The following TNRC6B variants were observed in gnomAD, a reference collection of about 807,000 sequenced individuals.
The protein encoded by TNRC6B is trinucleotide repeat containing adaptor 6B, also known as trinucleotide repeat-containing gene 6B protein.
A neutral mutation model predicts 203.6 loss-of-function variants in TNRC6B; 52 were observed. The ratio of observed to expected loss-of-function variants is 0.26; its 90% CI spans 0.20 to 0.32. The LOEUF is 0.32. Among genes scored for constraint, TNRC6B ranks in the 10% least tolerant of loss-of-function variants. TNRC6B has a pLI of 1.00. For missense variants in TNRC6B, 1,923 were observed against 2,286.2 expected, an observed-to-expected ratio of 0.84 and a Z score of 3.24; for synonymous variants, 838 against 845.7, an observed-to-expected ratio of 0.99 and a Z score of 0.16.
intron 17 of TNRC6B, among the ~76,000 whole-genome samples, chr22:40,312,302 C>T (rs964148234): frequency 6.6e-6 from 1 of 152,182 alleles, no homozygotes; most frequent in African/African-American, 2.4e-5. Context: ...TTGACTGCCA[C>T]AGACAGTGTG....
chr22:40,199,470 A>G (rs576977369), intron 1 of TNRC6B, among the ~76,000 whole-genome samples: 6 of 152,274 alleles, frequency 3.9e-5, no homozygotes, highest in South Asian at 4.1e-4. Context: ...CATGACCTCA[A>G]TCTAATTATG....
chr22:40,150,625 G>A (rs1315355792), intron 3 of TNRC6B, among the ~76,000 whole-genome samples: 1 of 152,158 alleles, frequency 6.6e-6, no homozygotes, highest in African/African-American at 2.4e-5. Flanking sequence ...TGGAAAGGCT[G>A]AACCTCAGGA....
chr22:40,314,071 A>C (rs549737245), intron 19 of TNRC6B, among the ~76,000 whole-genome samples: 8 of 152,326 alleles, frequency 5.3e-5, no homozygotes, highest in African/African-American at 1.7e-4. Context: ...TTTTACACCT[A>C]TAAATGCCCA....
chr22:40,073,146 T>TG (rs2067968429), intron 1 of TNRC6B, among the ~76,000 whole-genome samples: 1 of 149,852 alleles, frequency 6.7e-6, no homozygotes, highest in African/African-American at 2.5e-5. Flanking sequence ...CCTTGGTTTT[T>TG]TTTTTTTTTT....
At chr22:40,224,586 C>T (rs866584319) in intron 1 of TNRC6B, among the ~76,000 whole-genome samples, 2 of 152,168 alleles carry the variant, frequency 1.3e-5, no homozygotes, top group South Asian at 2.1e-4. Context: ...TCAGATGTAG[C>T]TGTCATTTGT....
intron 1 of TNRC6B, among the ~76,000 whole-genome samples, chr22:40,187,742 C>T (rs895382135): frequency 3.9e-5 from 6 of 152,090 alleles, no homozygotes; most frequent in Admixed American, 3.9e-4. Flanking sequence ...CGTTTAGCCC[C>T]GTTTAGTCAT....
intron 1 of TNRC6B, among the ~76,000 whole-genome samples, chr22:40,199,286 T>C (rs2069379598): frequency 6.6e-6 from 1 of 152,124 alleles, no homozygotes; most frequent in Non-Finnish European, 1.5e-5. Flanking sequence ...TCAAAGTACT[T>C]CTTCAAAAAT....
intron 6 of TNRC6B, among the ~76,000 whole-genome samples, chr22:40,272,437 C>T (rs2070577221): frequency 6.6e-6 from 1 of 152,164 alleles, no homozygotes; most frequent in African/African-American, 2.4e-5. Flanking sequence ...CCTGGAAGAG[C>T]CAATTTTCTG....
chr22:40,207,987 G>A (rs1177740711), intron 1 of TNRC6B, among the ~76,000 whole-genome samples: 2 of 151,762 alleles, frequency 1.3e-5, no homozygotes, highest in African/African-American at 4.8e-5. Context: ...GGTGGCGGGC[G>A]CCTGTAGTCC....
chr22:40,301,585 TTG>T (rs369108652), intron 15 of TNRC6B: 629 of 488,740 alleles, frequency 1.3e-3, no homozygotes, highest in Middle Eastern at 3.2e-3. Flanking sequence ...TTCCTTTTTT[TTG>T]TGTGTGTGTG....
rs918921656 is a variant in TNRC6B, at chr22:40,328,808, T to G, written c.*5567T>G. On this transcript the variant is annotated 3_prime_UTR_variant, in exon 23 of 23. Coordinates refer to ENST00000454349, the MANE Select transcript of TNRC6B (RefSeq NM_001162501.2). ...TCTTTATGTAGAAAAGATCCATTTT[T>G]TCCCCATCCTCAGAGTTAAAATTCA... 5 of 152,266 alleles carry G rather than the reference T, an allele frequency of 3.3e-5. No individual in the cohort carries two copies. The highest frequency in any genetic ancestry group is 1.2e-4 in the African/African-American group (5 of 41,446). 9.4% of individuals were successfully genotyped at this position (152,266 alleles called of 1,614,324 possible). A position where few individuals can be genotyped will look rare whatever the true frequency, so the allele number is the denominator to read the frequency against.
intron 12 of TNRC6B, among the ~76,000 whole-genome samples, chr22:40,287,373 A>G (rs1196986948): frequency 1.3e-5 from 2 of 152,192 alleles, no homozygotes; most frequent in Non-Finnish European, 2.9e-5. Context: ...AAGATCAACT[A>G]TAGATTTCAA....
In TNRC6B at chr22:40,066,891, C is replaced by CT. The variant is rs199704338; in HGVS notation, c.-121+21907dup. Among the ~76,000 whole-genome samples, 821 of 138,294 alleles carry CT rather than the reference C, an allele frequency of 5.9e-3. 5 individuals are homozygous for CT. The highest frequency in any genetic ancestry group is 0.012 in the African/African-American group (443 of 37,830). 90.7% of individuals were successfully genotyped at this position (138,294 alleles called of 152,430 possible). ...ACTCTTAACTGTGGAAGCTTCTTTTCTTTTTTTTTTTTTTCTTTTTAAATT... is the reference window on the plus strand; with the variant it reads ...ACTCTTAACTGTGGAAGCTTCTTTTCTTTTTTTTTTTTTTTCTTTTTAAATT... On this transcript the variant is annotated intron_variant, in intron 1 of 23. Coordinates refer to the TNRC6B transcript ENST00000301923.
intron 15 of TNRC6B, among the ~76,000 whole-genome samples, chr22:40,301,880 C>T (rs2071028391): frequency 6.6e-6 from 1 of 152,186 alleles, no homozygotes; most frequent in Non-Finnish European, 1.5e-5. Context: ...GAATGGCAAA[C>T]TGCTCTCCTA....
chr22:40,047,825 T>G (rs1262390972), intron 1 of TNRC6B, among the ~76,000 whole-genome samples: 1 of 152,394 alleles, frequency 6.6e-6, no homozygotes, highest in Admixed American at 6.5e-5. Flanking sequence ...TTCCAGGGAC[T>G]GTTACTCATT....
At chr22:40,094,135 T>C (rs1342973823) in intron 1 of TNRC6B, among the ~76,000 whole-genome samples, 1 of 152,180 alleles carries the variant, frequency 6.6e-6, no homozygotes, top group East Asian at 1.9e-4. Context: ...AGGATGACAG[T>C]AGTACTTACT....
chr22:40,086,936 T>A (rs1291948778), intron 1 of TNRC6B, among the ~76,000 whole-genome samples: 1 of 151,960 alleles, frequency 6.6e-6, no homozygotes, highest in Non-Finnish European at 1.5e-5. Context: ...ATTATAGCAT[T>A]TGTTTGATGT....
chr22:40,310,637 G>C (rs1157906155), intron 16 of TNRC6B, among the ~76,000 whole-genome samples, 180 bp from the exon 17 acceptor site: 2 of 152,156 alleles, frequency 1.3e-5, no homozygotes, highest in African/African-American at 2.4e-5. Context: ...GAAATGACTT[G>C]TTGTTGGTCA....
At chr22:40,238,002 A>C (rs1475007548) in intron 1 of TNRC6B, among the ~76,000 whole-genome samples, 1 of 151,982 alleles carries the variant, frequency 6.6e-6, no homozygotes, top group Non-Finnish European at 1.5e-5. Context: ...GACACTCAGC[A>C]TGTTTATTAG....
Sources: allele counts gnomAD v4.1 joint callset (sites outside exome capture counted in the v4.1 genomes callset), GRCh38; gene constraint gnomAD v4.1.1; transcripts MANE v1.5; gene names NCBI Gene and HGNC (gene_info 2026-07-23, HGNC 2026-07-21).